ARID1B: variants seen among roughly 807,000 people sequenced by gnomAD.
The protein encoded by ARID1B is AT-rich interaction domain 1B.
In ARID1B, 30 loss-of-function variants were observed where a neutral mutation model predicts 212.3. The ratio of observed to expected loss-of-function variants is 0.14; its 90% confidence interval spans 0.11 to 0.19. The LOEUF (loss-of-function observed/expected upper bound fraction) is 0.19. Among genes scored for constraint, ARID1B ranks in the 10% least tolerant of loss-of-function variants. The pLI is 1.00. For missense variants in ARID1B, 2,891 were observed against 3,204.0 expected (o/e 0.90, Z 2.36); for synonymous variants, 1,402 against 1,301.7 (o/e 1.08, Z -1.66).
intron 2 of ARID1B, among the ~76,000 whole-genome samples, chr6:156,869,358 G>A (rs1057129148): frequency 2.6e-5 from 4 of 152,144 alleles, no homozygotes; most frequent in African/African-American, 9.7e-5. Context: ...CCATAAAAGC[G>A]AATAATGAAT....
chr6:156,953,536 TTTC>T (rs1793742585), intron 4 of ARID1B, among the ~76,000 whole-genome samples: 1 of 152,142 alleles, frequency 6.6e-6, no homozygotes, highest in African/African-American at 2.4e-5. Flanking sequence ...ATTGAGATTC[TTTC>T]TTGTTTACTT....
chr6:157,001,410 C>T lies in ARID1B; in HGVS notation c.2247+65834C>T, dbSNP rs78301633. On this transcript the variant is annotated intron_variant, in intron 4 of 19. Transcript: ENST00000636930. ...AAGTGCAGGCTTTCATCTGAACCGT[C>T]CTCTGACCAGCTGCAGATGACGTGA... is the stretch of plus-strand genomic sequence containing the variant. 2.6e-3 allele frequency among the ~76,000 whole-genome samples: 401 copies of T among 152,302 alleles called. 3 individuals carry two copies. Among genetic ancestry groups the T allele is most frequent in the African/African-American group, 8.8e-3 (365 of 41,556 alleles).
intron 5 of ARID1B, among the ~76,000 whole-genome samples, chr6:157,085,870 C>T (rs1341238809): frequency 6.6e-6 from 1 of 152,144 alleles, no homozygotes; most frequent in Non-Finnish European, 1.5e-5. Flanking sequence ...ATTGTATCTA[C>T]CTGTATATTT....
At chr6:157,013,936 A>G (rs1779761367) in intron 4 of ARID1B, among the ~76,000 whole-genome samples, 1 of 152,216 alleles carries the variant, frequency 6.6e-6, no homozygotes, top group African/African-American at 2.4e-5. Context: ...GTACATTGCT[A>G]ATGCACACAC....
chr6:156,928,567 A>G lies in ARID1B; in HGVS notation c.2137-6899A>G, dbSNP rs186218905. On this transcript the variant is annotated intron_variant, in intron 3 of 19. Coordinates refer to ENST00000636930, the MANE Select transcript of ARID1B (RefSeq NM_001374828.1). ...GGATGCAGTTAAGGACCTCCTGTAG[A>G]GATTTGGGAATCACCACCAAGCAGG... Among the ~76,000 whole-genome samples the G allele has an allele frequency of 4.6e-5, 7 of 152,298 alleles. No homozygotes were observed. The East Asian group carries it at 1.4e-3, about 29-fold the overall frequency.
chr6:157,037,009 T>G (rs1450590857), intron 4 of ARID1B: 20 of 366,640 alleles, frequency 5.5e-5, no homozygotes, highest in Non-Finnish European at 1.6e-5. Context: ...TCTTCACAAG[T>G]TTAAGATTTC....
chr6:156,968,522 T>C (rs1794927052), intron 4 of ARID1B, among the ~76,000 whole-genome samples: 1 of 152,242 alleles, frequency 6.6e-6, no homozygotes, highest in African/African-American at 2.4e-5. Flanking sequence ...GTCTTTTTCA[T>C]GCTCTCTGGT....
intron 4 of ARID1B, among the ~76,000 whole-genome samples, chr6:157,047,634 T>C (rs1782325641): frequency 6.6e-6 from 1 of 152,210 alleles, no homozygotes; most frequent in African/African-American, 2.4e-5. Context: ...AAAAAGACGT[T>C]AGGAATTAAA....
At position 156,777,912 on chromosome 6, in the gene ARID1B, C is replaced by T. The variant is rs2114956167; in HGVS notation, c.232C>T (p.Pro78Ser). ...CAGTGTGCACCACCACCCCCTGCTC[C>T]CCCGTCACGAACTCAACATGGCCCA... ...LNSVHHHPLLPRHELNMAHNA... is the reference protein window; with the variant it reads ...LNSVHHHPLLSRHELNMAHNA... The change falls in exon 1 of 20, where the codon CCC (proline) becomes TCC (serine). Residue 78 changes from proline (P) to serine (S), a missense_variant. Pro to Ser is a moderately conservative substitution (Grantham distance 74). This residue lies in a region of ARID1B where 1,643 missense variants were observed against 1,544.0 expected (regional missense o/e 1.06). Transcript: ENST00000636930. The T allele has an allele frequency of 2.0e-6, 3 of 1,517,020 alleles. No individual in the cohort carries two copies. The highest frequency in any genetic ancestry group is 1.8e-6 in the Non-Finnish European group (2 of 1,140,100). The allele number at this position is 1,517,020 out of a possible 1,614,324, so 94.0% of individuals were successfully genotyped here. A position where few individuals can be genotyped will look rare whatever the true frequency, so the allele number is the denominator to read the frequency against.
intron 5 of ARID1B, among the ~76,000 whole-genome samples, chr6:157,098,968 T>A (rs1432788327): frequency 6.6e-6 from 1 of 152,046 alleles, no homozygotes; most frequent in Non-Finnish European, 1.5e-5. Flanking sequence ...CAGTTTATTT[T>A]TTTTATTTTT....
intron 1 of ARID1B, among the ~76,000 whole-genome samples, chr6:156,812,987 C>G (rs1781680479): frequency 8.3e-6 from 1 of 120,700 alleles, no homozygotes; most frequent in Non-Finnish European, 1.7e-5. Context: ...TATGTATATA[C>G]ATACGTATGT....
intron 4 of ARID1B, among the ~76,000 whole-genome samples, chr6:157,039,532 T>A (rs571076403): frequency 3.9e-5 from 6 of 152,032 alleles, no homozygotes; most frequent in Middle Eastern, 3.4e-3. Context: ...GGGTTTCACC[T>A]TGTTACCCAG....
At chr6:156,907,924 AGAATT>A (rs1356916140) in intron 3 of ARID1B, among the ~76,000 whole-genome samples, 1 of 151,136 alleles carries the variant, frequency 6.6e-6, no homozygotes, top group East Asian at 1.9e-4. Context: ...AAAAAAAAAA[AGAATT>A]GAAGATGAGT....
intron 11 of ARID1B, among the ~76,000 whole-genome samples, chr6:157,176,222 T>C (rs553398875): frequency 6.6e-6 from 1 of 152,162 alleles, no homozygotes; most frequent in Non-Finnish European, 1.5e-5. Flanking sequence ...GCACCCGTGA[T>C]GAAAGAGAAA....
chr6:156,928,281 G>A (rs138457744), intron 3 of ARID1B, among the ~76,000 whole-genome samples: 44 of 152,290 alleles, frequency 2.9e-4, no homozygotes, highest in African/African-American at 8.2e-4. Flanking sequence ...AGCATTGACC[G>A]CAGTGCAGGT....
In ARID1B at chr6:157,148,850, G is replaced by A; in HGVS notation, c.2988G>A (p.Gln996=). The A allele has an allele frequency of 6.2e-7, 1 of 1,613,022 alleles. No individual in the cohort carries two copies. Among genetic ancestry groups the A allele is most frequent in the Non-Finnish European group, 8.5e-7 (1 of 1,179,998 alleles). ...MTPSSPGMSQ[Q]GGPGMGPPMP... is the part of the protein sequence containing the mutation. ...CCAGTTCTCCTGGCATGTCTCAGCA[G>A]GGAGGGCCAGGAATGGGGCCGCCAA... The change falls in exon 8 of 20, where the codon CAG becomes CAA. Residue 996 remains glutamine (Q), a synonymous_variant. Coordinates refer to ENST00000636930, the MANE Select transcript of ARID1B (RefSeq NM_001374828.1). This position sits in a 1 kb window ranked among gnomAD's most constrained non-coding sequence, Gnocchi z 5.6.
chr6:157,103,289 G>T (rs1318466518), intron 5 of ARID1B, among the ~76,000 whole-genome samples: 2 of 151,682 alleles, frequency 1.3e-5, no homozygotes, highest in African/African-American at 4.8e-5. Flanking sequence ...GTTACTATAT[G>T]CCTGGTTCAA....
chr6:156,949,673 G>A (rs1473589518), intron 4 of ARID1B, among the ~76,000 whole-genome samples: 2 of 152,198 alleles, frequency 1.3e-5, no homozygotes, highest in African/African-American at 2.4e-5. Flanking sequence ...TGGATGCAGA[G>A]AATGTTGGTG....
intron 6 of ARID1B, among the ~76,000 whole-genome samples, chr6:157,112,314 A>G (rs75414598): frequency 2.9e-3 from 444 of 152,236 alleles, no homozygotes; most frequent in Non-Finnish European, 5.5e-3. Context: ...TGAAGGCATT[A>G]TAGAAGTTTA....
Sources: allele counts gnomAD v4.1 joint callset (sites outside exome capture counted in the v4.1 genomes callset), GRCh38; gene constraint gnomAD v4.1.1; regional missense constraint gnomAD v4.1.1; non-coding constraint Gnocchi (gnomAD v3.1); transcripts MANE v1.5; gene names NCBI Gene and HGNC (gene_info 2026-07-23, HGNC 2026-07-21).